Variants in GIPC2 observed in about 807,000 individuals in gnomAD.
The protein encoded by GIPC2 is PDZ domain-containing protein GIPC2.
A neutral mutation model predicts 30.6 loss-of-function variants in GIPC2; 30 were observed. That is an observed-to-expected ratio of 0.98 (90% CI 0.73 to 1.33). GIPC2 has a LOEUF of 1.33. Among genes scored for constraint, GIPC2 ranks in the 40% most tolerant of loss-of-function variants. GIPC2 has a pLI of 0.00. For synonymous variants in GIPC2, 167 were observed against 150.0 expected (o/e 1.11, Z -0.83); for missense variants, 414 against 390.3 (o/e 1.06, Z -0.51).
intron 2 of GIPC2, among the ~76,000 whole-genome samples, chr1:78,093,320 A>G (rs1295304346): frequency 6.6e-6 from 1 of 152,152 alleles, no homozygotes; most frequent in African/African-American, 2.4e-5. Context: ...TGTTTCTGTT[A>G]GCGATATAAG....
At chr1:78,088,283 A>G (rs677640) in intron 2 of GIPC2, among the ~76,000 whole-genome samples, 34,084 of 152,154 alleles carry the variant, frequency 0.22, 4,148 homozygotes, top group East Asian at 0.49. Context: ...ATTCTACCAT[A>G]AAGACACATG....
At chr1:78,104,678 G>T (rs532430426) in intron 3 of GIPC2, among the ~76,000 whole-genome samples, 2 of 152,058 alleles carry the variant, frequency 1.3e-5, no homozygotes, top group Non-Finnish European at 2.9e-5. Context: ...AAGGGAGAAG[G>T]TTCAGAAGCA....
chr1:78,096,232 G>A (rs1662134650), intron 3 of GIPC2, among the ~76,000 whole-genome samples: 1 of 152,158 alleles, frequency 6.6e-6, no homozygotes, highest in South Asian at 2.1e-4. Context: ...CAGCATCTGA[G>A]CTCACTTCTC....
chr1:78,047,157 A>C (rs1366226795), intron 1 of GIPC2, among the ~76,000 whole-genome samples: 1 of 152,238 alleles, frequency 6.6e-6, no homozygotes, highest in African/African-American at 2.4e-5. Flanking sequence ...GTGAACGTTT[A>C]TGTGACCACT....
intron 2 of GIPC2, chr1:78,091,689 T>A: frequency 1.3e-6 from 1 of 773,478 alleles, no homozygotes; most frequent in South Asian, 1.3e-5. Flanking sequence ...TTCTATAGTG[T>A]GATGACCCTA....
At position 78,108,168 on chromosome 1, in the gene GIPC2, G is replaced by A. The variant is rs186410568; in HGVS notation, c.608-11225G>A. On this transcript the variant is annotated intron_variant, in intron 3 of 5. Coordinates refer to ENST00000370759, the MANE Select transcript of GIPC2 (RefSeq NM_017655.6). ...GGTAAAATAAGTGAAAGGATAAAAC[G>A]AAATATTTTAGCTATCATTCTTTGT... 3.3e-3 allele frequency among the ~76,000 whole-genome samples: 504 copies of A among 152,216 alleles called. 6 individuals are homozygous for A. Among genetic ancestry groups the A allele is most frequent in the African/African-American group, 0.012 (482 of 41,534 alleles).
chr1:78,072,421 C>T (rs1661637545), intron 1 of GIPC2, among the ~76,000 whole-genome samples: 1 of 151,802 alleles, frequency 6.6e-6, no homozygotes, highest in African/African-American at 2.4e-5. Flanking sequence ...ACACATTTAC[C>T]AAATATTTTG....
chr1:78,097,404 G>A (rs1336698199), intron 3 of GIPC2, among the ~76,000 whole-genome samples: 1 of 152,150 alleles, frequency 6.6e-6, no homozygotes, highest in Non-Finnish European at 1.5e-5. Flanking sequence ...AACAAAAGCT[G>A]TCAGAAATGG....
In GIPC2 at chr1:78,137,843, G is replaced by A. The variant is rs1021592266; in HGVS notation, c.*2100G>A. The A allele has an allele frequency of 4.6e-5, 7 of 151,976 alleles. No individual in the cohort carries two copies. The highest frequency in any genetic ancestry group is 1.7e-4 in the African/African-American group (7 of 41,358). The allele number at this position is 151,976 out of a possible 1,614,324, so 9.4% of individuals were successfully genotyped here. A position where few individuals can be genotyped will look rare whatever the true frequency, so the allele number is the denominator to read the frequency against. ...GCTTTCTGCCTTTTTGTAACGCTCA[G>A]TGCACCAAAAGCGTCTGTTTTTAGT... On this transcript the variant is annotated 3_prime_UTR_variant, in exon 6 of 6. Transcript: ENST00000370759.
chr1:78,073,052 G>A (rs921130813), intron 1 of GIPC2, among the ~76,000 whole-genome samples: 3 of 148,682 alleles, frequency 2.0e-5, no homozygotes, highest in Non-Finnish European at 3.0e-5. Flanking sequence ...CTTGTGATCC[G>A]CCTGCCTCGG....
chr1:78,117,771 G>A (rs7367922), intron 3 of GIPC2, among the ~76,000 whole-genome samples: 2,953 of 152,222 alleles, frequency 0.019, 51 homozygotes, highest in South Asian at 0.079. Flanking sequence ...ATTTGCAGAG[G>A]TTATAAATTA....
chr1:78,090,900 G>A (rs998218268), intron 2 of GIPC2, among the ~76,000 whole-genome samples: 3 of 152,092 alleles, frequency 2.0e-5, no homozygotes, highest in African/African-American at 7.2e-5. Flanking sequence ...TTTGAGATCT[G>A]GAGACCATGA....
chr1:78,045,882 C>G (rs147592994), upstream of GIPC2: 1 of 1,339,926 alleles, frequency 7.5e-7, no homozygotes, highest in Non-Finnish European at 9.5e-7. Flanking sequence ...TTCTTTCTCT[C>G]CAGATCCATC....
intron 3 of GIPC2, among the ~76,000 whole-genome samples, chr1:78,099,264 A>C (rs1474123756): frequency 6.6e-6 from 1 of 152,090 alleles, no homozygotes; most frequent in Non-Finnish European, 1.5e-5. Context: ...TGGTACATGC[A>C]TGAATAAGAT....
chr1:78,131,418 C>T (rs1168658155), intron 5 of GIPC2, among the ~76,000 whole-genome samples: 2 of 152,074 alleles, frequency 1.3e-5, no homozygotes, highest in Non-Finnish European at 2.9e-5. Flanking sequence ...CCGTGTTAGC[C>T]AGGATGGTCT....
chr1:78,106,234 CAAA>C (rs768556241), intron 3 of GIPC2, among the ~76,000 whole-genome samples: 4 of 52,814 alleles, frequency 7.6e-5, no homozygotes, highest in Non-Finnish European at 7.9e-5. Context: ...GACTCTGTCT[CAAA>C]AAAAAAAAAA....
intron 3 of GIPC2, among the ~76,000 whole-genome samples, chr1:78,099,847 G>A (rs1662207924): frequency 6.6e-6 from 1 of 151,606 alleles, no homozygotes; most frequent in Non-Finnish European, 1.5e-5. Context: ...AACAGAATAA[G>A]CAAAGTTACA....
At chr1:78,100,035 G>T (rs1662212774) in intron 3 of GIPC2, among the ~76,000 whole-genome samples, 1 of 152,152 alleles carries the variant, frequency 6.6e-6, no homozygotes, top group Non-Finnish European at 1.5e-5. Flanking sequence ...GGGGTAACAT[G>T]GTGAGTCTTT....
At chr1:78,087,739 A>G (rs1046019095) in intron 2 of GIPC2, among the ~76,000 whole-genome samples, 1 of 152,240 alleles carries the variant, frequency 6.6e-6, no homozygotes, top group Admixed American at 6.5e-5. Context: ...AGCAATCAGA[A>G]TAGAAGCAAA....
Sources: allele counts gnomAD v4.1 joint callset (sites outside exome capture counted in the v4.1 genomes callset), GRCh38; gene constraint gnomAD v4.1.1; transcripts MANE v1.5; gene names NCBI Gene and HGNC (gene_info 2026-07-23, HGNC 2026-07-21).